The following SLC25A17 variants were observed in gnomAD, a reference collection of about 807,000 sequenced individuals.
SLC25A17 encodes solute carrier family 25 member 17.
Under a neutral mutation model 38.5 loss-of-function variants are expected in SLC25A17, and 26 were observed. The observed-to-expected ratio is 0.68, with a 90% CI of 0.50 to 0.94. The LOEUF is 0.94. Among genes scored for constraint, SLC25A17 ranks in the 40% least tolerant of loss-of-function variants. SLC25A17 has a pLI of 0.00. For synonymous variants in SLC25A17, 139 were observed against 136.2 expected (o/e 1.02, Z -0.14); for missense variants, 333 against 372.7 (o/e 0.89, Z 0.88).
At chr22:40,783,656 T>G (rs2057312559) in intron 4 of SLC25A17, among the ~76,000 whole-genome samples, 1 of 151,926 alleles carries the variant, frequency 6.6e-6, no homozygotes, top group South Asian at 2.1e-4. Context: ...AGTTAAAATA[T>G]GTAGAGACAG....
chr22:40,775,455 T>G (rs1602586923), intron 7 of SLC25A17, among the ~76,000 whole-genome samples: 1 of 52,882 alleles, frequency 1.9e-5, no homozygotes, highest in Non-Finnish European at 3.9e-5. Flanking sequence ...TTTTTTTTTT[T>G]TTTTTTTTTT....
chr22:40,773,671 G>A (rs886660500), intron 8 of SLC25A17, among the ~76,000 whole-genome samples: 3 of 152,252 alleles, frequency 2.0e-5, no homozygotes, highest in African/African-American at 7.2e-5. Flanking sequence ...GGTGACTGAA[G>A]TATAGAAGGG....
rs766368789 is a variant in SLC25A17 at position 40,792,680 on chromosome 22, G to A, written c.183-4C>T. 4 of 1,613,574 alleles carry A rather than the reference G, an allele frequency of 2.5e-6. No homozygotes were observed. The South Asian group carries it at 4.4e-5, about 18-fold the overall frequency. On this transcript the variant is annotated splice_polypyrimidine_tract_variant and splice_region_variant and intron_variant, in intron 3 of 8. Transcript: ENST00000435456. ...CCACCCTCGATATGGTGCCAGGCTA[G>A]GGGAAAAACACAATAAGCAAAGTAA... is the stretch of plus-strand genomic sequence containing the variant.
chr22:40,774,898 ATTTT>A (rs2057224942), intron 7 of SLC25A17, among the ~76,000 whole-genome samples: 1 of 152,052 alleles, frequency 6.6e-6, no homozygotes, highest in Non-Finnish European at 1.5e-5. Context: ...GCCTTTTGAA[ATTTT>A]TCTCCAAAAC....
chr22:40,792,968 C>T (rs1194849536), intron 3 of SLC25A17, among the ~76,000 whole-genome samples: 2 of 151,920 alleles, frequency 1.3e-5, no homozygotes, highest in Non-Finnish European at 2.9e-5. Flanking sequence ...ACAACTTCCT[C>T]ATGGCTGTTA....
At chr22:40,775,436 G>GGTTTTT (rs2057231244) in intron 7 of SLC25A17, among the ~76,000 whole-genome samples, 1 of 86,874 alleles carries the variant, frequency 1.2e-5, no homozygotes. Flanking sequence ...AGATCTGATG[G>GGTTTTT]TTTTTTTTTT....
chr22:40,799,187 A>AGTGGCAGGGTT, intron 1 of SLC25A17, 104 bp from the exon 2 acceptor site: 2 of 731,966 alleles, frequency 2.7e-6, no homozygotes, highest in Non-Finnish European at 4.7e-6. Flanking sequence ...GCTGGAGTGC[A>AGTGGCAGGGTT]GTGGTTTACG....
intron 7 of SLC25A17, 141 bp downstream of exon 7, chr22:40,776,899 A>C (rs2145648234): frequency 2.7e-6 from 2 of 745,120 alleles, no homozygotes; most frequent in East Asian, 5.6e-5. Context: ...GTCTCAAAAA[A>C]AGAAAAGAAA....
intron 1 of SLC25A17, among the ~76,000 whole-genome samples, chr22:40,804,049 C>T (rs900983676): frequency 2.6e-5 from 4 of 152,038 alleles, no homozygotes; most frequent in African/African-American, 7.2e-5. Context: ...TTTCTCCAGA[C>T]GACACTGACA....
At chr22:40,806,110 A>AT (rs2057527626) in intron 1 of SLC25A17, among the ~76,000 whole-genome samples, 1 of 152,184 alleles carries the variant, frequency 6.6e-6, no homozygotes, top group Admixed American at 6.5e-5. Context: ...AACCATTATC[A>AT]TATTTTGCCA....
In SLC25A17 at chr22:40,779,077, C is replaced by G; in HGVS notation, c.383G>C (p.Arg128Thr). The G allele has an allele frequency of 1.2e-6, 2 of 1,614,206 alleles. No individual in the cohort carries two copies. The highest frequency in any genetic ancestry group is 1.3e-5 in the African/African-American group (1 of 75,070). ...LTTPLWVVNT[R>T]LKLQGAKFRN... ...AAATTTTGCTCCTTGAAGCTTCAGT[C>G]TGGTGTTTACCACCCAGAGTGGAGT... is the stretch of plus-strand genomic sequence containing the variant. Residue 128 changes from arginine (R) to threonine (T), a missense_variant, in exon 5 of 9, where the codon AGA becomes ACA. Arg to Thr is a moderately conservative substitution (Grantham distance 71, BLOSUM62 -1). Coordinates refer to ENST00000435456, the MANE Select transcript of SLC25A17 (RefSeq NM_006358.4).
chr22:40,778,881 A>C, intron 5 of SLC25A17, 128 bp downstream of exon 5: 1 of 743,682 alleles, frequency 1.3e-6, no homozygotes, highest in South Asian at 1.9e-5. Context: ...AATTTACAAG[A>C]AAAAAAATCA....
chr22:40,773,910 G>A (rs761522787), intron 8 of SLC25A17, 27 bp downstream of exon 8: 16 of 1,469,228 alleles, frequency 1.1e-5, no homozygotes, highest in Admixed American at 5.0e-5. Context: ...AGGAGAGCAC[G>A]GAATGTGAGG....
chr22:40,816,059 G>A (rs1244844664), intron 1 of SLC25A17, among the ~76,000 whole-genome samples: 9 of 152,036 alleles, frequency 5.9e-5, no homozygotes. Flanking sequence ...GGTGGCACAT[G>A]CCTGTAAACC....
chr22:40,777,507 G>T, intron 5 of SLC25A17, 134 bp from the exon 6 acceptor site: 1 of 1,061,228 alleles, frequency 9.4e-7, no homozygotes, highest in Non-Finnish European at 1.3e-6. Context: ...CTTGCAGCCG[G>T]TTGCAATGGC....
intron 8 of SLC25A17, among the ~76,000 whole-genome samples, chr22:40,772,403 C>A (rs1221192268): frequency 6.6e-6 from 1 of 152,170 alleles, no homozygotes; most frequent in Non-Finnish European, 1.5e-5. Context: ...CTCCTGGGTT[C>A]AAGCAATCCT....
At chr22:40,806,262 C>A (rs2057529119) in intron 1 of SLC25A17, among the ~76,000 whole-genome samples, 1 of 152,162 alleles carries the variant, frequency 6.6e-6, no homozygotes, top group Admixed American at 6.6e-5. Context: ...GGTACACACA[C>A]ATACACACAC....
At chr22:40,773,174 C>G (rs2057202257) in intron 8 of SLC25A17, among the ~76,000 whole-genome samples, 1 of 152,046 alleles carries the variant, frequency 6.6e-6, no homozygotes, top group Admixed American at 6.5e-5. Flanking sequence ...CTTTGGGAGG[C>G]TGAGAAGGGC....
At chr22:40,796,536 G>A (rs889148058) in intron 2 of SLC25A17, among the ~76,000 whole-genome samples, 2 of 151,798 alleles carry the variant, frequency 1.3e-5, no homozygotes, top group African/African-American at 4.8e-5. Flanking sequence ...CTACTCGGGA[G>A]GCTGAGACAG....
Sources: allele counts gnomAD v4.1 joint callset (sites outside exome capture counted in the v4.1 genomes callset), GRCh38; gene constraint gnomAD v4.1.1; transcripts MANE v1.5; gene names NCBI Gene and HGNC (gene_info 2026-07-23, HGNC 2026-07-21).